SMARCAL1: variants seen among roughly 807,000 people sequenced by gnomAD.
SMARCAL1 encodes the protein SNF2 related chromatin remodeling annealing helicase 1.
Under a neutral mutation model 94.5 loss-of-function variants are expected in SMARCAL1, and 58 were observed. The observed-to-expected ratio is 0.61, with a 90% CI of 0.50 to 0.76. SMARCAL1 has a LOEUF of 0.76. Among genes scored for constraint, SMARCAL1 ranks in the 30% least tolerant of loss-of-function variants. The pLI is 0.00. For synonymous variants in SMARCAL1, 422 were observed against 455.1 expected, an observed-to-expected ratio of 0.93 and a Z score of 0.93; for missense variants, 1,051 against 1,177.9, an observed-to-expected ratio of 0.89 and a Z score of 1.58.
In SMARCAL1 at chr2:216,450,938, C is replaced by G. The variant is rs752241342; in HGVS notation, c.1944C>G (p.Ser648=). Reference sequence around the variant, plus strand: ...CAGTCATGCTGCGGCGCCTCAAGTCCGACGTCCTTTCCCAGCTGCCTGCCA... The same window carrying G: ...CAGTCATGCTGCGGCGCCTCAAGTCGGACGTCCTTTCCCAGCTGCCTGCCA... ...EEAVMLRRLK[S]DVLSQLPAKQ... is the part of the protein sequence containing the mutation. Residue 648 remains serine (S), a synonymous_variant, in exon 12 of 18, where the codon TCC becomes TCG. Coordinates refer to ENST00000357276, the MANE Select transcript of SMARCAL1 (RefSeq NM_014140.4). 2 of 1,614,192 alleles carry G rather than the reference C, an allele frequency of 1.2e-6. No homozygotes were observed. The highest frequency in any genetic ancestry group is 1.7e-6 in the Non-Finnish European group (2 of 1,180,036).
chr2:216,444,178 C>T (rs1378670944), intron 10 of SMARCAL1, among the ~76,000 whole-genome samples: 2 of 152,186 alleles, frequency 1.3e-5, no homozygotes, highest in South Asian at 2.1e-4. Flanking sequence ...TGGACTTGAC[C>T]TTCTCTTTGA....
At chr2:216,456,478 C>T (rs1247377971) in intron 12 of SMARCAL1, among the ~76,000 whole-genome samples, 1 of 152,216 alleles carries the variant, frequency 6.6e-6, no homozygotes. Flanking sequence ...GGAAGCCCAT[C>T]AGACTAACAG....
In SMARCAL1 at chr2:216,464,814, A is replaced by C; in HGVS notation, c.2141+147A>C. ...ATGTGCCTTTTGTTGAGGAAGGAAAAAATAAAACAGATGATCAGAGAGTAG... is the reference window on the plus strand; with the variant it reads ...ATGTGCCTTTTGTTGAGGAAGGAAACAATAAAACAGATGATCAGAGAGTAG... On this transcript the variant is annotated intron_variant, in intron 13 of 17. Coordinates refer to ENST00000357276, the MANE Select transcript of SMARCAL1 (RefSeq NM_014140.4). The C allele has an allele frequency of 8.5e-6, 6 of 708,674 alleles. No individual in the cohort carries two copies. The South Asian group carries it at 9.5e-5, about 11-fold the overall frequency. 43.9% of individuals were successfully genotyped at this position (708,674 alleles called of 1,614,324 possible). A position where few individuals can be genotyped will look rare whatever the true frequency, so the allele number is the denominator to read the frequency against.
chr2:216,448,265 A>G (rs1350773066), intron 11 of SMARCAL1, among the ~76,000 whole-genome samples: 5 of 152,334 alleles, frequency 3.3e-5, no homozygotes, highest in South Asian at 4.1e-4. Flanking sequence ...CTGATGCTAT[A>G]TAGTTTTCAT....
chr2:216,435,680 C>T (rs1056418381), intron 9 of SMARCAL1, among the ~76,000 whole-genome samples, 184 bp downstream of exon 9: 2 of 152,194 alleles, frequency 1.3e-5, no homozygotes, highest in African/African-American at 2.4e-5. Context: ...ATTCTCAACT[C>T]TGGCTACGTA....
At chr2:216,435,668 C>G (rs1330366647) in intron 9 of SMARCAL1, among the ~76,000 whole-genome samples, 172 bp downstream of exon 9, 1 of 152,166 alleles carries the variant, frequency 6.6e-6, no homozygotes, top group African/African-American at 2.4e-5. Context: ...CCTCAAATAG[C>G]CATTCTCAAC....
chr2:216,445,652 A>T (rs929284003), intron 10 of SMARCAL1, among the ~76,000 whole-genome samples: 7 of 152,152 alleles, frequency 4.6e-5, no homozygotes, highest in African/African-American at 1.4e-4. Context: ...AAGGCAAGCG[A>T]TGCTACCAAC....
chr2:216,446,937 T>A, intron 10 of SMARCAL1, 81 bp from the exon 11 acceptor site: 1 of 1,569,522 alleles, frequency 6.4e-7, no homozygotes, highest in East Asian at 2.2e-5. Flanking sequence ...GGCATCCAGC[T>A]CCTCCCTCAC....
intron 10 of SMARCAL1, among the ~76,000 whole-genome samples, chr2:216,445,833 G>A (rs1694303318): frequency 1.3e-5 from 2 of 152,134 alleles, no homozygotes; most frequent in Non-Finnish European, 2.9e-5. Flanking sequence ...AGATAATTGT[G>A]TATATTGTAT....
At chr2:216,469,375 G>A (rs1431849766) in intron 14 of SMARCAL1, among the ~76,000 whole-genome samples, 5 of 148,020 alleles carry the variant, frequency 3.4e-5, no homozygotes, top group Admixed American at 2.8e-4. Context: ...TCCACCTCCC[G>A]GGTTCAAGCT....
At position 216,415,046 on chromosome 2, in the gene SMARCAL1, T is replaced by C. The variant is rs1244651247; in HGVS notation, c.342T>C (p.Arg114=). 2 of 1,614,100 alleles carry C rather than the reference T, an allele frequency of 1.2e-6. No homozygotes were observed. Among genetic ancestry groups the C allele is most frequent in the South Asian group, 2.2e-5 (2 of 91,078 alleles). ...MPTACPGHSP[R]SQMALTGISP... Reference sequence around the variant, plus strand: ...CAGCCTGCCCAGGCCACAGTCCACGTAGTCAAATGGCTCTCACTGGAATCT... The same window carrying C: ...CAGCCTGCCCAGGCCACAGTCCACGCAGTCAAATGGCTCTCACTGGAATCT... The change falls in exon 3 of 18, where the codon CGT becomes CGC. Residue 114 remains arginine, a synonymous_variant. Coordinates refer to ENST00000357276, the MANE Select transcript of SMARCAL1 (RefSeq NM_014140.4).
chr2:216,434,822 G>A (rs1181714244), intron 8 of SMARCAL1, among the ~76,000 whole-genome samples: 3 of 150,476 alleles, frequency 2.0e-5, no homozygotes, highest in Non-Finnish European at 2.9e-5. Flanking sequence ...TCCAGCCTGG[G>A]CAACAAAGTG....
At chr2:216,424,107 G>A (rs1693782042) in intron 6 of SMARCAL1, among the ~76,000 whole-genome samples, 1 of 152,216 alleles carries the variant, frequency 6.6e-6, no homozygotes, top group African/African-American at 2.4e-5. Context: ...AGATAGGAGA[G>A]TATCACTGGG....
intron 10 of SMARCAL1, among the ~76,000 whole-genome samples, chr2:216,442,798 T>C (rs973332021): frequency 2.6e-5 from 4 of 152,214 alleles, no homozygotes; most frequent in South Asian, 2.1e-4. Context: ...ATTGCAGCTA[T>C]TACATGCAAC....
At chr2:216,444,863 G>A (rs750956996) in intron 10 of SMARCAL1, among the ~76,000 whole-genome samples, 3 of 152,088 alleles carry the variant, frequency 2.0e-5, no homozygotes, top group African/African-American at 4.8e-5. Flanking sequence ...TTTCAATTAC[G>A]ACATTGAATT....
intron 12 of SMARCAL1, among the ~76,000 whole-genome samples, chr2:216,455,094 C>A (rs943622288): frequency 6.6e-6 from 1 of 152,238 alleles, no homozygotes; most frequent in Non-Finnish European, 1.5e-5. Flanking sequence ...CACGGAGGCT[C>A]GCTCATTGCT....
intron 13 of SMARCAL1, among the ~76,000 whole-genome samples, chr2:216,465,924 C>T (rs545011715): frequency 6.6e-6 from 1 of 152,284 alleles, no homozygotes; most frequent in East Asian, 1.9e-4. Context: ...CTGCAATGCC[C>T]CCTGGAAAGA....
intron 12 of SMARCAL1, among the ~76,000 whole-genome samples, chr2:216,454,769 G>A (rs185696626): frequency 1.3e-3 from 196 of 152,082 alleles, no homozygotes; most frequent in African/African-American, 4.2e-3. Context: ...AGCTCCCAGC[G>A]TGAGCGACAC....
chr2:216,450,722 C>T, intron 11 of SMARCAL1, 124 bp from the exon 12 acceptor site: 2 of 711,262 alleles, frequency 2.8e-6, no homozygotes, highest in East Asian at 2.6e-5. Context: ...CTGTAAGTCA[C>T]TTGAAGTTTT....
Sources: allele counts gnomAD v4.1 joint callset (sites outside exome capture counted in the v4.1 genomes callset), GRCh38; gene constraint gnomAD v4.1.1; transcripts MANE v1.5; gene names NCBI Gene and HGNC (gene_info 2026-07-23, HGNC 2026-07-21).